Variants in UCKL1 observed in about 807,000 individuals in gnomAD.
The protein encoded by UCKL1 is uridine-cytidine kinase 1 like 1.
Under a neutral mutation model 59.2 loss-of-function variants are expected in UCKL1, and 65 were observed. That is an observed-to-expected ratio of 1.10 (90% CI 0.90 to 1.35). UCKL1 has a LOEUF of 1.35. Ranked by LOEUF, UCKL1 falls within the 40% of genes most tolerant of loss-of-function variation. The probability of loss-of-function intolerance (pLI) is 0.00; values close to 1 mark genes in which losing one functional copy is unlikely to be tolerated. For missense variants in UCKL1, 703 were observed against 784.3 expected (o/e 0.90, Z 1.24); for synonymous variants, 410 against 323.1 (o/e 1.27, Z -2.88).
At chr20:63,942,394 G>A (rs1337870235) in intron 8 of UCKL1, 1 of 1,175,940 alleles carries the variant, frequency 8.5e-7, no homozygotes, top group Non-Finnish European at 1.1e-6. Flanking sequence ...CAGGAAAGAG[G>A]GCCTAGCGGG....
chr20:63,942,853 G>C (rs1420137834), intron 8 of UCKL1: 1 of 396,480 alleles, frequency 2.5e-6, no homozygotes, highest in African/African-American at 2.1e-5. Context: ...AGACCTGCGG[G>C]TTCCTAGGCC....
chr20:63,943,801 C>G, intron 7 of UCKL1, 132 bp from the exon 8 acceptor site: 1 of 1,338,400 alleles, frequency 7.5e-7, no homozygotes, highest in East Asian at 2.4e-5. Context: ...TGGGGGGTGG[C>G]AAGCTTCTAA....
rs35264801 is a variant in UCKL1, at chr20:63,940,064, A to AGGG, written c.1568-12_1568-10dup. 31 of 1,510,500 alleles carry AGGG rather than the reference A, an allele frequency of 2.1e-5. No individual in the cohort carries two copies. Among genetic ancestry groups the AGGG allele is most frequent in the African/African-American group, 4.6e-5 (3 of 64,850 alleles). 93.6% of individuals were successfully genotyped at this position (1,510,500 alleles called of 1,614,324 possible). On this transcript the variant is annotated splice_polypyrimidine_tract_variant and intron_variant, in intron 14 of 14. Coordinates refer to ENST00000354216, the MANE Select transcript of UCKL1 (RefSeq NM_017859.4). Reference sequence around the variant, plus strand: ...GCGGTCGCCAAAGTTCCCTGGAAAAAGGGGGGGGGGGGTCCAGTGTGGTGG... The same window carrying AGGG: ...GCGGTCGCCAAAGTTCCCTGGAAAAAGGGGGGGGGGGGGGGTCCAGTGTGGTGG...
Position 63,944,475 on chromosome 20 carries a change from G to C in UCKL1, c.845-17C>G. On this transcript the variant is annotated splice_polypyrimidine_tract_variant and intron_variant, in intron 6 of 14. Coordinates refer to ENST00000354216, the MANE Select transcript of UCKL1 (RefSeq NM_017859.4). ...TGCCGCTCCCTGGGGCGGGATGGGG[G>C]GGCGGGTGACCGGGGGCTGGGCCGT... 6.3e-7 allele frequency: 1 copy of C among 1,577,566 alleles called. No homozygotes were observed.
chr20:63,947,007 C>T (rs1417239581), intron 1 of UCKL1, among the ~76,000 whole-genome samples: 2 of 151,952 alleles, frequency 1.3e-5, no homozygotes, highest in Admixed American at 6.6e-5. Flanking sequence ...TGGCTTGAAC[C>T]CGGGAGGTGG....
In UCKL1 at chr20:63,940,472, C is replaced by T. The variant is rs1319194723; in HGVS notation, c.1316G>A (p.Arg439Lys). The change falls in exon 13 of 15, where the codon AGG becomes AAG. Residue 439 changes from arginine to lysine, a missense_variant. Coordinates refer to ENST00000354216, the MANE Select transcript of UCKL1 (RefSeq NM_017859.4). ...LTGEPELHYL[R>K]LPKDISDDHV... is the part of the protein sequence containing the mutation. ...GTCATCGCTGATGTCCTTGGGCAGC[C>T]TCAGGTAGTGGAGCTGCGGGCAGCA... The T allele has an allele frequency of 5.6e-6, 9 of 1,611,726 alleles. No individual in the cohort carries two copies. Among genetic ancestry groups the T allele is most frequent in the Non-Finnish European group, 7.6e-6 (9 of 1,179,672 alleles).
chr20:63,946,823 A>G (rs2056371951), intron 1 of UCKL1, among the ~76,000 whole-genome samples, 180 bp from the exon 2 acceptor site: 1 of 152,068 alleles, frequency 6.6e-6, no homozygotes, highest in Non-Finnish European at 1.5e-5. Flanking sequence ...CATGCCTGTA[A>G]TCCCAGTACT....
intron 1 of UCKL1, 79 bp from the exon 2 acceptor site, chr20:63,946,722 G>T: frequency 7.7e-7 from 1 of 1,297,892 alleles, no homozygotes; most frequent in Non-Finnish European, 1.0e-6. Context: ...GGCCCACAGG[G>T]CACCCCCCCC....
chr20:63,948,577 G>GGCGTGT (rs1569120920), intron 1 of UCKL1: 1 of 80,564 alleles, frequency 1.2e-5, no homozygotes, highest in Non-Finnish European at 2.7e-5. Flanking sequence ...GAGAGGGAGG[G>GGCGTGT]GATGTGTGTG....
At chr20:63,943,597 C>G in intron 8 of UCKL1, 56 bp downstream of exon 8, 2 of 1,611,696 alleles carry the variant, frequency 1.2e-6, no homozygotes, top group Non-Finnish European at 1.7e-6. Context: ...GACCCCAGAG[C>G]TCCTTGGAGG....
At position 63,940,280 on chromosome 20, in the gene UCKL1, G is replaced by A. The variant is rs576751215; in HGVS notation, c.1437C>T (p.Ile479=). 40 of 1,612,698 alleles carry A rather than the reference G, an allele frequency of 2.5e-5. No individual in the cohort carries two copies. The South Asian group carries it at 4.3e-4, about 17-fold the overall frequency. Residue 479 remains isoleucine (I), a synonymous_variant, in exon 14 of 15, where the codon ATC becomes ATT. Coordinates refer to ENST00000354216, the MANE Select transcript of UCKL1 (RefSeq NM_017859.4). The stretch of plus-strand genomic sequence containing the variant: ...CTGCCATGAGCAGCGACAGCAAAAA[G>A]ATCTTGTCCTCAGGCACGTCGTGGT... ...LLDHDVPEDK[I]FLLSLLMAEM... is the part of the protein sequence containing the mutation.
Position 63,940,063 on chromosome 20 carries a change from AAG to A in UCKL1, c.1568-10_1568-9del, listed in dbSNP as rs1491500977. 6.7e-6 allele frequency: 8 copies of A among 1,194,660 alleles called. No individual in the cohort carries two copies. The highest frequency in any genetic ancestry group is 3.0e-5 in the East Asian group (1 of 33,092). The allele number at this position is 1,194,660 out of a possible 1,614,324, so 74.0% of individuals were successfully genotyped here. ...AGCGGTCGCCAAAGTTCCCTGGAAAAAGGGGGGGGGGGGTCCAGTGTGGTGGG... is the reference window on the plus strand; with the variant it reads ...AGCGGTCGCCAAAGTTCCCTGGAAAAGGGGGGGGGGGTCCAGTGTGGTGGG... On this transcript the variant is annotated splice_polypyrimidine_tract_variant and intron_variant, in intron 14 of 14. Coordinates refer to ENST00000354216, the MANE Select transcript of UCKL1 (RefSeq NM_017859.4).
chr20:63,941,560 T>G, intron 8 of UCKL1: 1 of 287,768 alleles, frequency 3.5e-6, no homozygotes, highest in East Asian at 1.1e-4. Flanking sequence ...ATAGGTGTCA[T>G]ACCCCAGAAT....
intron 5 of UCKL1, among the ~76,000 whole-genome samples, 173 bp from the exon 6 acceptor site, chr20:63,944,907 C>T (rs1055115730): frequency 1.3e-5 from 2 of 151,440 alleles, no homozygotes; most frequent in Non-Finnish European, 2.9e-5. Context: ...GCACCTGGTC[C>T]GTGGGCCTGG....
chr20:63,944,770 C>A, intron 5 of UCKL1, 36 bp from the exon 6 acceptor site: 1 of 1,606,770 alleles, frequency 6.2e-7, no homozygotes, highest in South Asian at 1.1e-5. Flanking sequence ...TGGCCAGATG[C>A]CAGCAGTGGG....
Position 63,949,356 on chromosome 20 carries a change from G to A in UCKL1, c.114-2713C>T, listed in dbSNP as rs532079286. 9.2e-5 allele frequency among the ~76,000 whole-genome samples: 14 copies of A among 152,286 alleles called. No individual in the cohort carries two copies. In the South Asian group the frequency reaches 1.0e-3, roughly 11 times the overall value. On this transcript the variant is annotated intron_variant, in intron 1 of 14. Transcript: ENST00000354216. ...AGCAGGTGCCACGGCACTTCCCCGA[G>A]ACCGCATGCGGGGGCTGCAGCTGGA...
At chr20:63,949,281 G>A (rs2057199703) in intron 1 of UCKL1, among the ~76,000 whole-genome samples, 1 of 152,176 alleles carries the variant, frequency 6.6e-6, no homozygotes, top group Non-Finnish European at 1.5e-5. Context: ...AAGACGACCA[G>A]GCGAGGGCGG....
At chr20:63,954,832 C>T (rs2058300519) in intron 1 of UCKL1, 1 of 152,264 alleles carries the variant, frequency 6.6e-6, no homozygotes, top group Non-Finnish European at 1.5e-5. Flanking sequence ...GTGCCCAGCC[C>T]ACCGTCTGTG....
At position 63,944,468 on chromosome 20, in the gene UCKL1, G is replaced by C; in HGVS notation, c.845-10C>G. 9.6e-7 allele frequency: 1 copy of C among 1,043,186 alleles called. No individual in the cohort carries two copies. Among genetic ancestry groups the C allele is most frequent in the Non-Finnish European group, 1.4e-6 (1 of 711,564 alleles). The allele number at this position is 1,043,186 out of a possible 1,614,324, so 64.6% of individuals were successfully genotyped here. ...ACCGTGTTGCCGCTCCCTGGGGCGG[G>C]ATGGGGGGGCGGGTGACCGGGGGCT... On this transcript the variant is annotated splice_polypyrimidine_tract_variant and intron_variant, in intron 6 of 14. Coordinates refer to ENST00000354216, the MANE Select transcript of UCKL1 (RefSeq NM_017859.4).
Sources: gnomAD v4.1 joint callset for allele counts (sites outside exome capture counted in the v4.1 genomes callset) on GRCh38, gnomAD v4.1.1 for gene constraint, MANE v1.5 for transcripts, NCBI Gene and HGNC (gene_info 2026-07-23, HGNC 2026-07-21) for gene names.